Variants in STXBP5 observed in about 807,000 individuals in gnomAD.
The protein encoded by STXBP5 is syntaxin-binding protein 5.
In STXBP5, 50 loss-of-function variants were observed where a neutral mutation model predicts 152.4. The observed-to-expected ratio is 0.33, with a 90% CI of 0.26 to 0.42. The LOEUF (loss-of-function observed/expected upper bound fraction) is 0.42, where lower values mean the gene tolerates loss of function less well. Ranked by LOEUF, STXBP5 falls within the 10% of genes least tolerant of loss-of-function variation. The pLI is 1.00. For missense variants in STXBP5, 1,167 were observed against 1,388.6 expected, an observed-to-expected ratio of 0.84 and a Z score of 2.54; for synonymous variants, 492 against 494.7, an observed-to-expected ratio of 0.99 and a Z score of 0.07.
chr6:147,258,410 C>A (rs565499553), intron 4 of STXBP5, among the ~76,000 whole-genome samples: 1 of 152,082 alleles, frequency 6.6e-6, no homozygotes, highest in Non-Finnish European at 1.5e-5. Context: ...AACATGCACA[C>A]GCATAACACA....
At chr6:147,316,572 A>G (rs148724259) in intron 16 of STXBP5, among the ~76,000 whole-genome samples, 165 bp downstream of exon 16, 92 of 152,324 alleles carry the variant, frequency 6.0e-4, no homozygotes, top group Admixed American at 1.8e-3. Context: ...TTTCTATGAC[A>G]TCAAGAGGAA....
chr6:147,210,842 A>G (rs1388957826), intron 2 of STXBP5, among the ~76,000 whole-genome samples: 1 of 152,144 alleles, frequency 6.6e-6, no homozygotes, highest in African/African-American at 2.4e-5. Context: ...ATACATGATT[A>G]TTATTAATAT....
At chr6:147,315,818 C>A in intron 15 of STXBP5, 83 bp downstream of exon 15, 1 of 1,325,428 alleles carries the variant, frequency 7.5e-7, no homozygotes. Flanking sequence ...AGACTTTTTG[C>A]AGTCAGTTTT....
At chr6:147,368,886 CAG>C (rs1785415958) in intron 25 of STXBP5, among the ~76,000 whole-genome samples, 1 of 151,344 alleles carries the variant, frequency 6.6e-6, no homozygotes, top group African/African-American at 2.4e-5. Context: ...ATAAATCTAA[CAG>C]AAAATGAAAG....
intron 2 of STXBP5, among the ~76,000 whole-genome samples, chr6:147,214,925 T>C (rs1266672775): frequency 6.6e-6 from 1 of 152,218 alleles, no homozygotes; most frequent in Non-Finnish European, 1.5e-5. Context: ...TCCTAAATGA[T>C]CAACTTTATG....
At chr6:147,333,531 A>G (rs1214744888) in intron 18 of STXBP5, among the ~76,000 whole-genome samples, 4 of 152,242 alleles carry the variant, frequency 2.6e-5, no homozygotes, top group Non-Finnish European at 5.9e-5. Context: ...CATAAAAAAC[A>G]AACAAAAAAT....
Position 147,204,804 on chromosome 6 carries a change from C to A in STXBP5, c.150+122C>A, listed in dbSNP as rs374854337. The A allele has an allele frequency of 8.9e-7, 1 of 1,119,588 alleles. No homozygotes were observed. Among genetic ancestry groups the A allele is most frequent in the South Asian group, 1.9e-5 (1 of 53,846 alleles). The allele number at this position is 1,119,588 out of a possible 1,614,324, so 69.4% of individuals were successfully genotyped here. On this transcript the variant is annotated intron_variant, in intron 1 of 27. Transcript: ENST00000321680. The surrounding 1 kb of genome is among the most constrained non-coding windows in gnomAD (Gnocchi z 4.3). ...AACGCCAATAATAATAATAATAACT[C>A]TAATAAAAGGCTCGCTCCTCCCTTG...
intron 26 of STXBP5, 90 bp from the exon 27 acceptor site, chr6:147,382,688 A>G: frequency 7.4e-7 from 1 of 1,345,368 alleles, no homozygotes; most frequent in Non-Finnish European, 1.0e-6. Flanking sequence ...TTACCACTCA[A>G]TCCAAAAATT....
intron 25 of STXBP5, among the ~76,000 whole-genome samples, chr6:147,366,725 C>T (rs1211911210): frequency 6.6e-6 from 1 of 152,190 alleles, no homozygotes; most frequent in Non-Finnish European, 1.5e-5. Context: ...TGCATAGACT[C>T]CTTTTCCTTG....
chr6:147,335,717 G>C (rs28414360), intron 19 of STXBP5, among the ~76,000 whole-genome samples: 10 of 152,118 alleles, frequency 6.6e-5, no homozygotes, highest in African/African-American at 2.2e-4. Flanking sequence ...GGAGAATGGC[G>C]TGAACCCCAG....
In STXBP5 at chr6:147,373,795, A is replaced by G; in HGVS notation, c.3146A>G (p.Lys1049Arg). 1 of 1,613,886 alleles carries G rather than the reference A, an allele frequency of 6.2e-7. No individual in the cohort carries two copies. ...TPEAPNRGFF[K>R]GLFGGGAQSL... ...GAAGCACCAAACAGGGGATTCTTTA[A>G]AGGCTTATTTGGAGGTGGTGCACAA... The change falls in exon 26 of 28, where the codon AAA becomes AGA. Residue 1049 changes from lysine to arginine, a missense_variant. Around this residue, in one of 3 missense-constraint regions of STXBP5, gnomAD observed 833 missense variants for 986.3 expected, o/e 0.84. Coordinates refer to ENST00000321680, the MANE Select transcript of STXBP5 (RefSeq NM_001127715.4).
At chr6:147,301,675 C>A (rs548543925) in intron 9 of STXBP5, among the ~76,000 whole-genome samples, 1 of 152,192 alleles carries the variant, frequency 6.6e-6, no homozygotes, top group African/African-American at 2.4e-5. Flanking sequence ...AAATCTCACA[C>A]CTAACTATGA....
intron 2 of STXBP5, among the ~76,000 whole-genome samples, chr6:147,234,846 A>G (rs1343870573): frequency 6.6e-6 from 1 of 151,960 alleles, no homozygotes; most frequent in East Asian, 1.9e-4. Context: ...AACATTCCAA[A>G]ATGACATTTG....
At chr6:147,263,342 C>A (rs1013220426) in intron 6 of STXBP5, among the ~76,000 whole-genome samples, 2 of 128,828 alleles carry the variant, frequency 1.6e-5, no homozygotes, top group Admixed American at 7.8e-5. Context: ...TTCTTTCTTT[C>A]TTTTTTTTTT....
At position 147,385,346 on chromosome 6, in the gene STXBP5, A is replaced by G. The variant is rs1371932182; in HGVS notation, c.*591A>G. On this transcript the variant is annotated 3_prime_UTR_variant, in exon 28 of 28. Coordinates refer to ENST00000321680, the MANE Select transcript of STXBP5 (RefSeq NM_001127715.4). Reference sequence around the variant, plus strand: ...CTTTAAATAATAAAAACATACACATAGTTGACTTGTGTATGAGCTACTCTT... The same window carrying G: ...CTTTAAATAATAAAAACATACACATGGTTGACTTGTGTATGAGCTACTCTT... 1 of 152,138 alleles carries G rather than the reference A, an allele frequency of 6.6e-6. No individual in the cohort carries two copies. Among genetic ancestry groups the G allele is most frequent in the African/African-American group, 2.4e-5 (1 of 41,464 alleles). 9.4% of individuals were successfully genotyped at this position (152,138 alleles called of 1,614,324 possible). A position where few individuals can be genotyped will look rare whatever the true frequency, so the allele number is the denominator to read the frequency against.
chr6:147,254,351 C>T (rs1449221545), intron 4 of STXBP5, among the ~76,000 whole-genome samples: 1 of 152,208 alleles, frequency 6.6e-6, no homozygotes, highest in Non-Finnish European at 1.5e-5. Flanking sequence ...TAAAAGAAAA[C>T]CTATTCAAAA....
chr6:147,311,866 A>G (rs186257520), intron 11 of STXBP5, among the ~76,000 whole-genome samples: 189 of 152,240 alleles, frequency 1.2e-3, no homozygotes, highest in Admixed American at 2.2e-3. Flanking sequence ...TAGGCTTTCT[A>G]CGTCTACTCA....
At chr6:147,243,242 C>G (rs1040493254) in intron 4 of STXBP5, among the ~76,000 whole-genome samples, 2 of 152,190 alleles carry the variant, frequency 1.3e-5, no homozygotes, top group Non-Finnish European at 2.9e-5. Flanking sequence ...CATATCCTTA[C>G]TAACATTTGG....
rs1346722924 is a variant in STXBP5 at position 147,248,468 on chromosome 6, CAA to C, written c.431+9201_431+9202del. On this transcript the variant is annotated intron_variant, in intron 4 of 27. Transcript: ENST00000321680. ...TAATTGAGTTTTTTTTTAAAGAAGA[CAA>C]AAGTCAGTCATCAGGAAAATGCAGA... is the stretch of plus-strand genomic sequence containing the variant. Among the ~76,000 whole-genome samples the C allele has an allele frequency of 2.6e-5, 4 of 151,862 alleles. No individual in the cohort carries two copies. In the East Asian group the frequency reaches 7.8e-4, roughly 30 times the overall value.
Sources: gnomAD v4.1 joint callset for allele counts (sites outside exome capture counted in the v4.1 genomes callset) on GRCh38, gnomAD v4.1.1 for gene constraint, gnomAD v4.1.1 regional missense constraint, Gnocchi (gnomAD v3.1) non-coding constraint, MANE v1.5 for transcripts, NCBI Gene and HGNC (gene_info 2026-07-23, HGNC 2026-07-21) for gene names.